RIPOR3: variants seen among roughly 807,000 people sequenced by gnomAD.
The protein encoded by RIPOR3 is family with sequence similarity 65 member C.
RIPOR3 carries 95 observed loss-of-function variants against 114.3 expected under a neutral mutation model. That is an observed-to-expected ratio of 0.83 (90% confidence interval 0.70 to 0.99). The LOEUF is 0.99. Ranked by LOEUF, RIPOR3 falls within the 50% of genes least tolerant of loss-of-function variation. The pLI is 0.00. For missense variants in RIPOR3, 1,252 were observed against 1,266.9 expected, an observed-to-expected ratio of 0.99 and a Z score of 0.18; for synonymous variants, 575 against 543.8, an observed-to-expected ratio of 1.06 and a Z score of -0.80.
At chr20:50,636,862 T>G (rs1375413602) in intron 1 of RIPOR3, 2 of 985,370 alleles carry the variant, frequency 2.0e-6, no homozygotes, top group Non-Finnish European at 2.4e-6. Context: ...TCACCTCATT[T>G]AGAGGTAAAA....
In RIPOR3 at chr20:50,682,377, G is replaced by A. The variant is rs186911663; in HGVS notation, c.3+8749C>T. 1.6e-4 allele frequency among the ~76,000 whole-genome samples: 25 copies of A among 152,312 alleles called. No homozygotes were observed. The East Asian group carries it at 3.9e-3, about 24-fold the overall frequency. ...AATCCCAGCCCTTTGGGATGCTAAG[G>A]CAGGCTGATTGCTTGAGGCCAGGAG... On this transcript the variant is annotated intron_variant, in intron 1 of 21. Coordinates refer to ENST00000327979, the MANE Select transcript of RIPOR3 (RefSeq NM_001290268.2).
At position 50,602,484 on chromosome 20, in the gene RIPOR3, CG is replaced by C. The variant is rs2083537062; in HGVS notation, c.1246del (p.Arg416GlufsTer19). On this transcript the variant is annotated frameshift_variant, in exon 13 of 22. Transcript: ENST00000327979. LOFTEE classifies it high-confidence loss of function. This position sits in a 1 kb window ranked among gnomAD's most constrained non-coding sequence, Gnocchi z 4.3. ...EMDSFSSEDP[R>X]DTETSTSAST... is the part of the protein sequence containing the mutation. The stretch of plus-strand genomic sequence containing the variant: ...CGCCGACGTGCTGGTCTCCGTGTCT[CG>C]GGGGTCCTCAGAGCTGAAGGAGTCC... The C allele has an allele frequency of 6.4e-7, 1 of 1,558,294 alleles. No homozygotes were observed. The highest frequency in any genetic ancestry group is 1.4e-5 in the African/African-American group (1 of 73,030).
In RIPOR3 at chr20:50,586,486, G is replaced by C. The variant is rs1481312980; in HGVS notation, c.*746C>G. On this transcript the variant is annotated 3_prime_UTR_variant, in exon 22 of 22. Transcript: ENST00000327979. ...AAGCTGGGTTGATTGATTGCATTTG[G>C]GTGCGGATGGCCAAAGTGAGTGGCC... 2.0e-5 allele frequency: 3 copies of C among 152,448 alleles called. No homozygotes were observed. Among genetic ancestry groups the C allele is most frequent in the Admixed American group, 2.0e-4 (3 of 15,278 alleles). 9.4% of individuals were successfully genotyped at this position (152,448 alleles called of 1,614,324 possible). A position where few individuals can be genotyped will look rare whatever the true frequency, so the allele number is the denominator to read the frequency against.
intron 11 of RIPOR3, 24 bp downstream of exon 11, chr20:50,608,365 C>A (rs1600547415): frequency 6.2e-7 from 1 of 1,613,288 alleles, no homozygotes; most frequent in South Asian, 1.1e-5. Flanking sequence ...GGCCTCCGCT[C>A]TCCCCAGGCT....
At chr20:50,630,397 T>G (rs1280970079) in intron 2 of RIPOR3, among the ~76,000 whole-genome samples, 1 of 152,246 alleles carries the variant, frequency 6.6e-6, no homozygotes, top group African/African-American at 2.4e-5. Context: ...ATTATAGGCG[T>G]GAGTCACTGT....
chr20:50,602,450 T>C lies in RIPOR3; in HGVS notation c.1281A>G (p.Ser427=), dbSNP rs2083535424. The C allele has an allele frequency of 1.3e-6, 2 of 1,573,690 alleles. No homozygotes were observed. The highest frequency in any genetic ancestry group is 1.7e-6 in the Non-Finnish European group (2 of 1,157,112). Residue 427 remains serine, a synonymous_variant, in exon 13 of 22, where the codon TCA becomes TCG. Transcript: ENST00000327979. This position sits in a 1 kb window ranked among gnomAD's most constrained non-coding sequence, Gnocchi z 4.3. ...AGGTCAAGGGCAGGAAGCCCACATC[T>C]GAGGTGGACGCCGACGTGCTGGTCT... ...DTETSTSAST[S]DVGFLPLTFG...
At chr20:50,663,522 CAT>C (rs1198584925) in intron 1 of RIPOR3, among the ~76,000 whole-genome samples, 1 of 152,162 alleles carries the variant, frequency 6.6e-6, no homozygotes, top group African/African-American at 2.4e-5. Context: ...ATTAGGATAA[CAT>C]ATGTGAAGGT....
Position 50,596,195 on chromosome 20 carries a change from G to A in RIPOR3, c.1859C>T (p.Pro620Leu). ...TACCATCAGCAGCACGTCCAGCTCT[G>A]GGGCACCGGCTGTGAGTTCCCTGGA... ...ASSRELTAGA[P>L]ELDVLLMVHL... Residue 620 changes from proline to leucine, a missense_variant, in exon 15 of 22, where the codon CCA becomes CTA. Pro to Leu is a moderately conservative substitution (Grantham distance 98). Coordinates refer to ENST00000327979, the MANE Select transcript of RIPOR3 (RefSeq NM_001290268.2). 6.2e-7 allele frequency: 1 copy of A among 1,614,192 alleles called. No homozygotes were observed.
In RIPOR3 at chr20:50,609,802, G is replaced by C. The variant is rs546423181; in HGVS notation, c.427-80C>G. ...CCTGCCTGTCGACTTCTCCTCTCTG[G>C]GAGAGGCCCTCCCTGAGCTAAGCAC... On this transcript the variant is annotated intron_variant, in intron 6 of 21. Transcript: ENST00000327979. 2.9e-5 allele frequency: 39 copies of C among 1,340,910 alleles called. No individual in the cohort carries two copies. In the Middle Eastern group the frequency reaches 1.4e-3, roughly 49 times the overall value. The allele number at this position is 1,340,910 out of a possible 1,614,324, so 83.1% of individuals were successfully genotyped here.
intron 1 of RIPOR3, among the ~76,000 whole-genome samples, chr20:50,646,720 A>T (rs1291821923): frequency 6.6e-6 from 1 of 152,222 alleles, no homozygotes; most frequent in Non-Finnish European, 1.5e-5. Flanking sequence ...TATGTGGCCT[A>T]ACAGCCTGAA....
intron 3 of RIPOR3, among the ~76,000 whole-genome samples, chr20:50,617,386 C>T (rs2123134322): frequency 6.6e-6 from 1 of 152,296 alleles, no homozygotes; most frequent in South Asian, 2.1e-4. Flanking sequence ...GACACAGAAT[C>T]TGTCCTTCAG....
intron 1 of RIPOR3, among the ~76,000 whole-genome samples, chr20:50,685,430 T>G (rs1356303298): frequency 1.3e-5 from 2 of 149,722 alleles, no homozygotes; most frequent in Non-Finnish European, 3.0e-5. Flanking sequence ...TTGGCCAGGC[T>G]TGTCTTGAAC....
rs569747215 is a variant in RIPOR3 at position 50,597,649 on chromosome 20, C to G, written c.1721G>C (p.Ser574Thr). ...AESLMECILE[S>T]FAFLNADFAL... is the part of the protein sequence containing the mutation. ...GAAGTCGGCATTGAGGAAGGCGAAG[C>G]TCTCCAGGATGCACTCCATCAGGCT... is the stretch of plus-strand genomic sequence containing the variant. Residue 574 changes from serine to threonine, a missense_variant, in exon 14 of 22, where the codon AGC (serine) becomes ACC (threonine). Ser to Thr is a moderately conservative substitution (Grantham distance 58). Coordinates refer to ENST00000327979, the MANE Select transcript of RIPOR3 (RefSeq NM_001290268.2). The G allele has an allele frequency of 1.4e-5, 23 of 1,612,442 alleles. No homozygotes were observed. The East Asian group carries it at 5.1e-4, about 36-fold the overall frequency.
At chr20:50,664,381 G>C (rs749296873) in intron 1 of RIPOR3, among the ~76,000 whole-genome samples, 1 of 152,200 alleles carries the variant, frequency 6.6e-6, no homozygotes, top group Non-Finnish European at 1.5e-5. Flanking sequence ...TCTCCATGCT[G>C]TGCGCCACTC....
intron 3 of RIPOR3, among the ~76,000 whole-genome samples, chr20:50,617,410 C>T (rs1168962657): frequency 1.3e-5 from 2 of 152,214 alleles, no homozygotes; most frequent in African/African-American, 2.4e-5. Context: ...CATGCTCTAT[C>T]GTCCATGCAC....
chr20:50,624,084 G>A (rs1219447328), intron 2 of RIPOR3, among the ~76,000 whole-genome samples: 3 of 152,100 alleles, frequency 2.0e-5, no homozygotes, highest in Admixed American at 6.6e-5. Context: ...TGATCTGCCC[G>A]CCTTGGCCTC....
intron 4 of RIPOR3, among the ~76,000 whole-genome samples, chr20:50,612,445 C>T (rs912151392): frequency 6.6e-6 from 1 of 152,116 alleles, no homozygotes; most frequent in Non-Finnish European, 1.5e-5. Flanking sequence ...CTAATTTTCA[C>T]TGGCTGTTAA....
At chr20:50,610,422 G>A (rs1459618076) in intron 6 of RIPOR3, among the ~76,000 whole-genome samples, 1 of 152,200 alleles carries the variant, frequency 6.6e-6, no homozygotes, top group East Asian at 1.9e-4. Flanking sequence ...AGTGTGGGGA[G>A]TAAAGCAAGA....
At chr20:50,637,304 C>A (rs1206398109) in intron 1 of RIPOR3, among the ~76,000 whole-genome samples, 1 of 152,086 alleles carries the variant, frequency 6.6e-6, no homozygotes, top group African/African-American at 2.4e-5. Context: ...CCCCTCCAGC[C>A]TTTGCCCTGG....
Sources: gnomAD v4.1 joint callset for allele counts (sites outside exome capture counted in the v4.1 genomes callset) on GRCh38, gnomAD v4.1.1 for gene constraint, Gnocchi (gnomAD v3.1) non-coding constraint, MANE v1.5 for transcripts, NCBI Gene and HGNC (gene_info 2026-07-23, HGNC 2026-07-21) for gene names.